EDIL3: variants seen among roughly 807,000 people sequenced by gnomAD.
EDIL3 encodes EGF-like repeat and discoidin I-like domain-containing protein 3.
A neutral mutation model predicts 67.4 loss-of-function variants in EDIL3; 37 were observed. The ratio of observed to expected loss-of-function variants is 0.55; its 90% CI spans 0.42 to 0.72. EDIL3 has a LOEUF of 0.72. Ranked by LOEUF, EDIL3 falls within the 30% of genes least tolerant of loss-of-function variation. The pLI is 0.00. For synonymous variants in EDIL3, 195 were observed against 196.3 expected, an observed-to-expected ratio of 0.99 and a Z score of 0.05; for missense variants, 527 against 586.3, an observed-to-expected ratio of 0.90 and a Z score of 1.04.
intron 5 of EDIL3, among the ~76,000 whole-genome samples, chr5:84,129,672 T>C (rs544406019): frequency 4.3e-4 from 66 of 152,288 alleles, no homozygotes; most frequent in African/African-American, 1.6e-3. Context: ...ATATTTGTTA[T>C]ATGGAATAAA....
At chr5:84,132,646 GC>G (rs1748013805) in intron 5 of EDIL3, among the ~76,000 whole-genome samples, 2 of 133,590 alleles carry the variant, frequency 1.5e-5, no homozygotes, top group Non-Finnish European at 3.1e-5. Context: ...ATGTTTATGT[GC>G]TTGGAAATAC....
chr5:84,016,179 T>C (rs551717674), intron 9 of EDIL3, among the ~76,000 whole-genome samples: 3 of 152,304 alleles, frequency 2.0e-5, no homozygotes, highest in African/African-American at 7.2e-5. Context: ...CTTCTATACC[T>C]TTGTCATGTT....
At chr5:84,189,619 C>T (rs1414098690) in intron 3 of EDIL3, among the ~76,000 whole-genome samples, 1 of 151,966 alleles carries the variant, frequency 6.6e-6, no homozygotes, top group Non-Finnish European at 1.5e-5. Flanking sequence ...TTCTTTCCCC[C>T]GTACATTCAT....
At chr5:83,978,331 A>G (rs901095938) in intron 9 of EDIL3, among the ~76,000 whole-genome samples, 1 of 151,980 alleles carries the variant, frequency 6.6e-6, no homozygotes, top group African/African-American at 2.4e-5. Flanking sequence ...AACAATTTTA[A>G]CACCTTTGAA....
chr5:84,209,452 A>C (rs1432651283), intron 3 of EDIL3, among the ~76,000 whole-genome samples: 1 of 152,160 alleles, frequency 6.6e-6, no homozygotes, highest in Non-Finnish European at 1.5e-5. Flanking sequence ...ATAACTAAAA[A>C]AAGAAAGAAT....
At chr5:83,979,871 T>G (rs1247348519) in intron 9 of EDIL3, among the ~76,000 whole-genome samples, 1 of 152,148 alleles carries the variant, frequency 6.6e-6, no homozygotes, top group East Asian at 1.9e-4. Flanking sequence ...TTTATGATTC[T>G]AATGAATACA....
At chr5:84,259,238 C>T (rs779899552) in intron 1 of EDIL3, among the ~76,000 whole-genome samples, 12 of 152,052 alleles carry the variant, frequency 7.9e-5, no homozygotes, top group African/African-American at 1.2e-4. Flanking sequence ...AGATTACAGG[C>T]GTGAGCCACC....
intron 5 of EDIL3, among the ~76,000 whole-genome samples, chr5:84,119,236 T>C (rs947601716): frequency 3.2e-4 from 45 of 140,142 alleles, no homozygotes; most frequent in East Asian, 4.5e-4. Flanking sequence ...TTTTTTTTTT[T>C]CACAGAAATG....
chr5:84,207,176 C>T (rs1354730531), intron 3 of EDIL3, among the ~76,000 whole-genome samples: 2 of 152,192 alleles, frequency 1.3e-5, no homozygotes, highest in Non-Finnish European at 2.9e-5. Context: ...TCTCCTTAAG[C>T]TGAGAAGCAA....
intron 4 of EDIL3, among the ~76,000 whole-genome samples, chr5:84,171,619 A>C (rs1251972649): frequency 2.0e-5 from 3 of 152,178 alleles, no homozygotes; most frequent in Non-Finnish European, 4.4e-5. Flanking sequence ...CAAAGTTTGA[A>C]TTCAATAAGG....
intron 9 of EDIL3, among the ~76,000 whole-genome samples, chr5:84,040,989 A>G (rs932149999): frequency 6.6e-6 from 1 of 151,928 alleles, no homozygotes; most frequent in Non-Finnish European, 1.5e-5. Flanking sequence ...AAATTAGCCA[A>G]CCTTGGTGGT....
intron 5 of EDIL3, among the ~76,000 whole-genome samples, chr5:84,129,244 C>T (rs1447368754): frequency 6.6e-6 from 1 of 152,084 alleles, no homozygotes; most frequent in Non-Finnish European, 1.5e-5. Context: ...AAACTTCATC[C>T]TGCAGTAACG....
intron 6 of EDIL3, among the ~76,000 whole-genome samples, chr5:84,073,156 C>T (rs1285968315): frequency 6.6e-6 from 1 of 152,058 alleles, no homozygotes; most frequent in Non-Finnish European, 1.5e-5. Context: ...ACTCTTCATG[C>T]TAAAAACTCT....
intron 1 of EDIL3, among the ~76,000 whole-genome samples, chr5:84,346,997 T>C (rs762011383): frequency 1.3e-5 from 2 of 152,198 alleles, no homozygotes; most frequent in Non-Finnish European, 2.9e-5. Context: ...TAAATTTTTT[T>C]CTGCCTCTTG....
intron 2 of EDIL3, among the ~76,000 whole-genome samples, chr5:84,251,436 A>G (rs1247133819): frequency 1.3e-5 from 2 of 151,882 alleles, no homozygotes; most frequent in Admixed American, 1.3e-4. Flanking sequence ...TTCGAAACAA[A>G]AACGCAGGAT....
chr5:84,210,089 T>C (rs1028274920), intron 3 of EDIL3, among the ~76,000 whole-genome samples: 1 of 152,278 alleles, frequency 6.6e-6, no homozygotes, highest in East Asian at 1.9e-4. Context: ...AAACAAAAAT[T>C]TAAATAGTAA....
chr5:84,111,979 A>G (rs991203351), intron 5 of EDIL3, among the ~76,000 whole-genome samples: 1 of 152,090 alleles, frequency 6.6e-6, no homozygotes, highest in African/African-American at 2.4e-5. Context: ...GAGAGAGGAG[A>G]CAGGATAGAC....
At chr5:84,295,593 A>G (rs1746033362) in intron 1 of EDIL3, among the ~76,000 whole-genome samples, 1 of 152,132 alleles carries the variant, frequency 6.6e-6, no homozygotes, top group African/African-American at 2.4e-5. Context: ...AGCTAATCAG[A>G]GTTCACTGCT....
At chr5:84,121,935 C>T (rs1457148016) in intron 5 of EDIL3, among the ~76,000 whole-genome samples, 1 of 151,906 alleles carries the variant, frequency 6.6e-6, no homozygotes, top group Non-Finnish European at 1.5e-5. Context: ...GGGTCCTGAC[C>T]GATAAATGGG....
Sources: allele counts gnomAD v4.1 joint callset (sites outside exome capture counted in the v4.1 genomes callset), GRCh38; gene constraint gnomAD v4.1.1; transcripts MANE v1.5; gene names NCBI Gene and HGNC (gene_info 2026-07-23, HGNC 2026-07-21).